KIF16B: variants seen among roughly 807,000 people sequenced by gnomAD.
KIF16B encodes kinesin family member 16B.
A neutral mutation model predicts 156.3 loss-of-function variants in KIF16B; 98 were observed. The ratio of observed to expected loss-of-function variants is 0.63; its 90% CI spans 0.53 to 0.74. The LOEUF is 0.74. Ranked by LOEUF, KIF16B falls within the 30% of genes least tolerant of loss-of-function variation. The pLI is 0.00. For synonymous variants in KIF16B, 564 were observed against 583.7 expected, an observed-to-expected ratio of 0.97 and a Z score of 0.49; for missense variants, 1,421 against 1,606.5, an observed-to-expected ratio of 0.88 and a Z score of 1.97.
At chr20:16,311,137 C>A (rs1347939421) in intron 25 of KIF16B, among the ~76,000 whole-genome samples, 1 of 152,212 alleles carries the variant, frequency 6.6e-6, no homozygotes, top group Non-Finnish European at 1.5e-5. Flanking sequence ...AGGGCTCTCT[C>A]AGGACTTTCC....
At chr20:16,352,035 C>A (rs1033429311) in intron 23 of KIF16B, among the ~76,000 whole-genome samples, 1 of 152,136 alleles carries the variant, frequency 6.6e-6, no homozygotes, top group Non-Finnish European at 1.5e-5. Flanking sequence ...GCCGTTGGAT[C>A]CCCTCTCCAT....
intron 22 of KIF16B, among the ~76,000 whole-genome samples, chr20:16,359,930 G>A (rs1440952897): frequency 2.0e-5 from 3 of 152,282 alleles, no homozygotes; most frequent in Admixed American, 2.0e-4. Context: ...TCATACTGGG[G>A]ATGAGAAATA....
intron 25 of KIF16B, among the ~76,000 whole-genome samples, chr20:16,310,120 A>T (rs945515832): frequency 1.3e-5 from 2 of 152,266 alleles, no homozygotes; most frequent in African/African-American, 4.8e-5. Context: ...AAGATTTAAC[A>T]GTCAACATTA....
chr20:16,274,903 A>ATTCT (rs1216044766), intron 25 of KIF16B, among the ~76,000 whole-genome samples: 3 of 152,332 alleles, frequency 2.0e-5, no homozygotes, highest in Non-Finnish European at 2.9e-5. Flanking sequence ...GAAAGAAGAC[A>ATTCT]TTCTACTCAA....
intron 12 of KIF16B, among the ~76,000 whole-genome samples, chr20:16,488,126 A>G (rs2068178636): frequency 6.6e-6 from 1 of 152,240 alleles, no homozygotes; most frequent in Non-Finnish European, 1.5e-5. Context: ...CATTGGAGCC[A>G]TCAAAGGATA....
intron 18 of KIF16B, among the ~76,000 whole-genome samples, chr20:16,380,545 T>C (rs2065069816): frequency 6.6e-6 from 1 of 152,234 alleles, no homozygotes; most frequent in South Asian, 2.1e-4. Flanking sequence ...CAGAAGTTGT[T>C]ACAAGACAAC....
At chr20:16,313,998 T>C (rs1005252746) in intron 24 of KIF16B, among the ~76,000 whole-genome samples, 21 of 152,262 alleles carry the variant, frequency 1.4e-4, no homozygotes, top group Non-Finnish European at 2.9e-5. Flanking sequence ...TGTTCAGCTG[T>C]ATTTGAAACT....
At chr20:16,330,845 T>C (rs1407844755) in intron 24 of KIF16B, among the ~76,000 whole-genome samples, 1 of 152,250 alleles carries the variant, frequency 6.6e-6, no homozygotes, top group Non-Finnish European at 1.5e-5. Context: ...GGAGTTGTTA[T>C]AAGAGACACT....
At chr20:16,383,141 G>A (rs2065143452) in intron 17 of KIF16B, among the ~76,000 whole-genome samples, 1 of 152,072 alleles carries the variant, frequency 6.6e-6, no homozygotes, top group South Asian at 2.1e-4. Flanking sequence ...ACAGTATGGT[G>A]GCTTTTTTAG....
chr20:16,385,163 C>T (rs115249097), intron 17 of KIF16B, among the ~76,000 whole-genome samples: 1 of 151,186 alleles, frequency 6.6e-6, no homozygotes, highest in African/African-American at 2.4e-5. Context: ...TGCCACTCTA[C>T]TCCAGACTGG....
chr20:16,527,060 C>T (rs1478019952), intron 2 of KIF16B, among the ~76,000 whole-genome samples: 1 of 152,244 alleles, frequency 6.6e-6, no homozygotes, highest in East Asian at 1.9e-4. Context: ...CGGTCTTTTA[C>T]CAAAGCACTG....
At chr20:16,464,856 C>T (rs1260963586) in intron 12 of KIF16B, among the ~76,000 whole-genome samples, 1 of 152,100 alleles carries the variant, frequency 6.6e-6, no homozygotes, top group Admixed American at 6.6e-5. Context: ...ATGTCATTGG[C>T]CAAGGGTTAG....
intron 20 of KIF16B, among the ~76,000 whole-genome samples, chr20:16,373,856 G>C (rs971262910): frequency 2.6e-5 from 4 of 152,170 alleles, no homozygotes; most frequent in African/African-American, 9.7e-5. Flanking sequence ...CCCTATTAGT[G>C]GTTCCACATC....
chr20:16,311,890 A>G (rs921729705), intron 25 of KIF16B, among the ~76,000 whole-genome samples: 7 of 152,090 alleles, frequency 4.6e-5, no homozygotes, highest in African/African-American at 1.7e-4. Flanking sequence ...AAATAAGTCA[A>G]ATGAAACCTA....
chr20:16,393,647 T>G (rs546589184), intron 17 of KIF16B, among the ~76,000 whole-genome samples: 1 of 152,338 alleles, frequency 6.6e-6, no homozygotes, highest in East Asian at 1.9e-4. Flanking sequence ...AAAACCAGAC[T>G]CTTCCACTTA....
chr20:16,305,202 C>T (rs551928854), intron 25 of KIF16B, among the ~76,000 whole-genome samples: 1 of 152,166 alleles, frequency 6.6e-6, no homozygotes, highest in African/African-American at 2.4e-5. Flanking sequence ...GTATTGTTCT[C>T]CCGTGGACCA....
At chr20:16,376,412 C>T (rs2123374517) in intron 19 of KIF16B, among the ~76,000 whole-genome samples, 1 of 152,268 alleles carries the variant, frequency 6.6e-6, no homozygotes, top group East Asian at 1.9e-4. Flanking sequence ...CCAGTCTGGT[C>T]CCACATGAAT....
chr20:16,535,111 A>T (rs2069907584), intron 1 of KIF16B, among the ~76,000 whole-genome samples: 1 of 152,094 alleles, frequency 6.6e-6, no homozygotes, highest in African/African-American at 2.4e-5. Flanking sequence ...AACAATATTA[A>T]TTCTTCTGAT....
At chr20:16,513,641 C>T (rs1269878921) in intron 4 of KIF16B, among the ~76,000 whole-genome samples, 1 of 99,584 alleles carries the variant, frequency 1.0e-5, no homozygotes, top group Non-Finnish European at 1.9e-5. Flanking sequence ...GCCTAGGCAA[C>T]AAGAGCAAAA....
Sources: allele counts gnomAD v4.1 joint callset (sites outside exome capture counted in the v4.1 genomes callset), GRCh38; gene constraint gnomAD v4.1.1; transcripts MANE v1.5; gene names NCBI Gene and HGNC (gene_info 2026-07-23, HGNC 2026-07-21).